The following PCP4 variants were observed in gnomAD, a reference collection of about 807,000 sequenced individuals.
PCP4 encodes the protein calmodulin regulator protein PCP4.
A neutral mutation model predicts 10.0 loss-of-function variants in PCP4; 8 were observed. That is an observed-to-expected ratio of 0.80 (90% CI 0.47 to 1.45). The LOEUF (loss-of-function observed/expected upper bound fraction) is 1.45, where lower values mean the gene tolerates loss of function less well. PCP4 is among the 40% of genes most tolerant of loss of function. The pLI, the probability that PCP4 is intolerant of heterozygous loss-of-function variation, is 0.00. For synonymous variants in PCP4, 21 were observed against 23.0 expected (o/e 0.91, Z 0.24); for missense variants, 54 against 74.4 (o/e 0.73, Z 1.01).
chr21:39,889,480 G>T (rs1394695070), intron 1 of PCP4, among the ~76,000 whole-genome samples: 1 of 132,772 alleles, frequency 7.5e-6, no homozygotes, highest in Non-Finnish European at 1.5e-5. Flanking sequence ...ACCGTGGCAC[G>T]ATCTCGGCTC....
At chr21:39,923,703 G>T (rs2087607715) in intron 2 of PCP4, among the ~76,000 whole-genome samples, 1 of 152,222 alleles carries the variant, frequency 6.6e-6, no homozygotes, top group South Asian at 2.1e-4. Flanking sequence ...TCAGCCATCT[G>T]TGTGAAGGAG....
At chr21:39,895,011 C>A (rs895648396) in intron 1 of PCP4, among the ~76,000 whole-genome samples, 10 of 152,154 alleles carry the variant, frequency 6.6e-5, no homozygotes, top group African/African-American at 2.4e-4. Flanking sequence ...ACCCATCCGT[C>A]CACCCATTTA....
intron 1 of PCP4, among the ~76,000 whole-genome samples, chr21:39,870,476 AG>A (rs1163616845): frequency 2.0e-5 from 3 of 152,202 alleles, no homozygotes; most frequent in Non-Finnish European, 2.9e-5. Context: ...TCAGTTTACA[AG>A]GTGCATTCTT....
intron 1 of PCP4, among the ~76,000 whole-genome samples, chr21:39,879,689 A>G (rs2087363012): frequency 6.6e-6 from 1 of 152,206 alleles, no homozygotes; most frequent in Admixed American, 6.5e-5. Context: ...AGATACTGGC[A>G]GAAGTGAGTC....
At chr21:39,900,066 CT>C (rs1460096416) in intron 2 of PCP4, among the ~76,000 whole-genome samples, 1 of 152,102 alleles carries the variant, frequency 6.6e-6, no homozygotes, top group African/African-American at 2.4e-5. Flanking sequence ...CAGAGTTTCA[CT>C]CTTGTTGCCC....
At chr21:39,926,386 G>C (rs1353931137) in intron 2 of PCP4, among the ~76,000 whole-genome samples, 1 of 151,988 alleles carries the variant, frequency 6.6e-6, no homozygotes, top group Non-Finnish European at 1.5e-5. Context: ...AAATAATATT[G>C]CCGCTTTCTT....
chr21:39,909,335 G>T (rs1225746368), intron 2 of PCP4, among the ~76,000 whole-genome samples: 2 of 152,174 alleles, frequency 1.3e-5, no homozygotes, highest in African/African-American at 4.8e-5. Context: ...CTGTTGTTCC[G>T]TGTCGCTGCT....
intron 2 of PCP4, among the ~76,000 whole-genome samples, chr21:39,925,522 A>G (rs1271816332): frequency 6.6e-6 from 1 of 152,248 alleles, no homozygotes; most frequent in Non-Finnish European, 1.5e-5. Context: ...GCTCTAGCGT[A>G]GAAGACCGAG....
At chr21:39,920,391 G>T (rs555523419) in intron 2 of PCP4, among the ~76,000 whole-genome samples, 18 of 150,788 alleles carry the variant, frequency 1.2e-4, no homozygotes, top group Admixed American at 2.6e-4. Context: ...TGTGGTGTGT[G>T]CGTGGTGTGT....
chr21:39,873,610 T>G (rs749286004), intron 1 of PCP4, among the ~76,000 whole-genome samples: 9 of 152,214 alleles, frequency 5.9e-5, no homozygotes, highest in Non-Finnish European at 1.3e-4. Context: ...TCCCCAGGGA[T>G]GAACTATTTA....
At chr21:39,885,271 G>A (rs1442276363) in intron 1 of PCP4, among the ~76,000 whole-genome samples, 3 of 152,182 alleles carry the variant, frequency 2.0e-5, no homozygotes, top group African/African-American at 4.8e-5. Context: ...GCTCCAGGGG[G>A]CTATTCAACC....
At chr21:39,920,172 TGTGTG>T (rs1203910623) in intron 2 of PCP4, among the ~76,000 whole-genome samples, 1 of 147,384 alleles carries the variant, frequency 6.8e-6, no homozygotes, top group Non-Finnish European at 1.5e-5. Context: ...TGATGTGTGA[TGTGTG>T]TGGTGTGTGT....
Position 39,922,225 on chromosome 21 carries a change from T to A in PCP4, c.62-6759T>A, listed in dbSNP as rs538711972. Among the ~76,000 whole-genome samples the A allele has an allele frequency of 3.3e-4, 50 of 152,326 alleles. No homozygotes were observed. In the South Asian group the frequency reaches 9.9e-3, roughly 30 times the overall value. ...TAGTTCCTAACCTTTATATTTATGA[T>A]TCTCTATTTTATATTTGCCCATCAA... On this transcript the variant is annotated intron_variant, in intron 2 of 2. Transcript: ENST00000328619.
chr21:39,903,902 A>G (rs1337318744), intron 2 of PCP4, among the ~76,000 whole-genome samples: 1 of 145,820 alleles, frequency 6.9e-6, no homozygotes, highest in African/African-American at 2.5e-5. Context: ...AAAAAGACTT[A>G]GTTTGATTTG....
At chr21:39,872,919 T>C (rs1368719176) in intron 1 of PCP4, among the ~76,000 whole-genome samples, 1 of 152,168 alleles carries the variant, frequency 6.6e-6, no homozygotes, top group Non-Finnish European at 1.5e-5. Context: ...GGTGCATTGT[T>C]ATATACGCAA....
intron 2 of PCP4, among the ~76,000 whole-genome samples, chr21:39,902,646 T>A (rs191951546): frequency 6.6e-6 from 1 of 152,334 alleles, no homozygotes; most frequent in African/African-American, 2.4e-5. Flanking sequence ...GTACACACAC[T>A]CAAACCCGAT....
chr21:39,897,185 C>T (rs1242551042), intron 1 of PCP4, among the ~76,000 whole-genome samples: 11 of 151,896 alleles, frequency 7.2e-5, no homozygotes, highest in East Asian at 1.9e-4. Context: ...GTCACGAGTT[C>T]GAGACCAGCC....
At chr21:39,868,370 T>C (rs2087304077) in intron 1 of PCP4, among the ~76,000 whole-genome samples, 1 of 152,240 alleles carries the variant, frequency 6.6e-6, no homozygotes, top group African/African-American at 2.4e-5. Context: ...ATTCTTTTCT[T>C]GGAAGTCTAG....
chr21:39,922,703 G>A (rs1246445487), intron 2 of PCP4, among the ~76,000 whole-genome samples: 1 of 152,212 alleles, frequency 6.6e-6, no homozygotes. Context: ...GAGCCATTTT[G>A]CAACTACACT....
Sources: allele counts gnomAD v4.1 joint callset (sites outside exome capture counted in the v4.1 genomes callset), GRCh38; gene constraint gnomAD v4.1.1; transcripts MANE v1.5; gene names NCBI Gene and HGNC (gene_info 2026-07-23, HGNC 2026-07-21).